ENPP6: variants seen among roughly 807,000 people sequenced by gnomAD.
The protein encoded by ENPP6 is glycerophosphocholine cholinephosphodiesterase ENPP6.
ENPP6 carries 32 observed loss-of-function variants against 42.0 expected under a neutral mutation model. The observed-to-expected ratio is 0.76, with a 90% CI of 0.58 to 1.02. ENPP6 has a LOEUF of 1.02. Ranked by LOEUF, ENPP6 falls within the 50% of genes least tolerant of loss-of-function variation. ENPP6 has a pLI of 0.00. For missense variants in ENPP6, 552 were observed against 566.8 expected (o/e 0.97, Z 0.27); for synonymous variants, 213 against 216.0 (o/e 0.99, Z 0.12).
intron 1 of ENPP6, among the ~76,000 whole-genome samples, chr4:184,168,819 C>T (rs1362141825): frequency 6.6e-6 from 1 of 152,172 alleles, no homozygotes; most frequent in East Asian, 1.9e-4. Flanking sequence ...CCACGCGCTG[C>T]AGCAAACGCG....
At chr4:184,116,323 C>T (rs1736313835) in intron 5 of ENPP6, among the ~76,000 whole-genome samples, 3 of 152,216 alleles carry the variant, frequency 2.0e-5, no homozygotes, top group Non-Finnish European at 2.9e-5. Context: ...TCATCATGCC[C>T]ATTTCAGAGA....
At chr4:184,099,653 G>A (rs1024975100) in intron 6 of ENPP6, among the ~76,000 whole-genome samples, 4 of 152,160 alleles carry the variant, frequency 2.6e-5, no homozygotes, top group South Asian at 2.1e-4. Context: ...TCGCCCCCTC[G>A]CATTGCAGCT....
intron 1 of ENPP6, among the ~76,000 whole-genome samples, chr4:184,213,740 G>A (rs1263007348): frequency 6.7e-6 from 1 of 148,280 alleles, no homozygotes; most frequent in Admixed American, 6.8e-5. Flanking sequence ...CCATTACTGG[G>A]TATATATCCA....
At chr4:184,119,513 T>C (rs908718748) in intron 3 of ENPP6, among the ~76,000 whole-genome samples, 5 of 152,184 alleles carry the variant, frequency 3.3e-5, no homozygotes, top group African/African-American at 1.2e-4. Flanking sequence ...ACAGGGTCAT[T>C]GGAACTAGAC....
rs759750133 is a variant in ENPP6 at position 184,217,654 on chromosome 4, T to G, written c.166A>C (p.Arg56=). 1 of 1,614,228 alleles carries G rather than the reference T, an allele frequency of 6.2e-7. No individual in the cohort carries two copies. Among genetic ancestry groups the G allele is most frequent in the Non-Finnish European group, 8.5e-7 (1 of 1,180,034 alleles). ...GTCAAGTAATCCACTTTTACTCCCC[T>G]GCTCACAATCTCTTTGAAACCAGGC... ...SLPGFKEIVS[R]GVKVDYLTPD... The change falls in exon 1 of 8, where the codon AGG becomes CGG. Residue 56 remains arginine (R), a synonymous_variant. Coordinates refer to ENST00000296741, the MANE Select transcript of ENPP6 (RefSeq NM_153343.4).
intron 7 of ENPP6, among the ~76,000 whole-genome samples, chr4:184,091,906 A>C (rs1735810805): frequency 6.6e-6 from 1 of 152,146 alleles, no homozygotes; most frequent in Non-Finnish European, 1.5e-5. Context: ...AAAAAAAGGT[A>C]ATCAGCAAAC....
At chr4:184,196,024 G>C (rs528200683) in intron 1 of ENPP6, among the ~76,000 whole-genome samples, 1 of 152,302 alleles carries the variant, frequency 6.6e-6, no homozygotes, top group African/African-American at 2.4e-5. Flanking sequence ...ACTTAGACTT[G>C]AGTGGCCTCC....
intron 1 of ENPP6, among the ~76,000 whole-genome samples, chr4:184,156,950 T>C (rs528338464): frequency 6.6e-6 from 1 of 152,242 alleles, no homozygotes; most frequent in Non-Finnish European, 1.5e-5. Flanking sequence ...ATGTCCATCT[T>C]ACCTATAACT....
At chr4:184,182,087 GA>G (rs1214990876) in intron 1 of ENPP6, among the ~76,000 whole-genome samples, 1 of 151,292 alleles carries the variant, frequency 6.6e-6, no homozygotes, top group African/African-American at 2.4e-5. Flanking sequence ...TACAGAACAA[GA>G]GAAAATTTTT....
intron 1 of ENPP6, among the ~76,000 whole-genome samples, chr4:184,157,450 TTC>T (rs1294937604): frequency 3.7e-4 from 56 of 151,940 alleles, no homozygotes; most frequent in East Asian, 7.7e-4. Flanking sequence ...TTTCTTTTCT[TTC>T]TCTCTCTTTC....
intron 1 of ENPP6, among the ~76,000 whole-genome samples, chr4:184,176,772 A>C (rs972971863): frequency 6.6e-6 from 1 of 152,240 alleles, no homozygotes. Flanking sequence ...TCAAAGCATA[A>C]GAGAGAACTA....
chr4:184,216,928 G>A (rs1176920502), intron 1 of ENPP6: 1 of 152,142 alleles, frequency 6.6e-6, no homozygotes, highest in African/African-American at 2.4e-5. Flanking sequence ...TTTGCTGGTT[G>A]GTCTTTTGTA....
At chr4:184,171,051 A>G (rs1737453008) in intron 1 of ENPP6, among the ~76,000 whole-genome samples, 2 of 152,190 alleles carry the variant, frequency 1.3e-5, no homozygotes, top group Admixed American at 6.5e-5. Context: ...ACAACCTCAA[A>G]CCTCAAGTGG....
At chr4:184,181,402 G>A (rs1267470924) in intron 1 of ENPP6, among the ~76,000 whole-genome samples, 1 of 152,142 alleles carries the variant, frequency 6.6e-6, no homozygotes, top group Non-Finnish European at 1.5e-5. Context: ...TCATGGATAG[G>A]AAGAACCAAT....
At chr4:184,202,756 G>T (rs998812675) in intron 1 of ENPP6, among the ~76,000 whole-genome samples, 1 of 152,206 alleles carries the variant, frequency 6.6e-6, no homozygotes, top group Non-Finnish European at 1.5e-5. Context: ...CATGAGTGAG[G>T]AATAAACCTG....
chr4:184,191,559 T>G (rs1412175138), intron 1 of ENPP6, among the ~76,000 whole-genome samples: 1 of 152,162 alleles, frequency 6.6e-6, no homozygotes, highest in Non-Finnish European at 1.5e-5. Context: ...GCAGAAGCCC[T>G]CTGTTCTGGT....
rs182040164 is a variant in ENPP6 at position 184,089,060 on chromosome 4, C to T, written c.*2117G>A. 5.9e-5 allele frequency: 9 copies of T among 152,106 alleles called. No individual in the cohort carries two copies. The highest frequency in any genetic ancestry group is 1.9e-4 in the African/African-American group (8 of 41,424). The allele number at this position is 152,106 out of a possible 1,614,324, so 9.4% of individuals were successfully genotyped here. ...GGCTCTACTGAATTCATTGGAACAC[C>T]GTCCTTTAAGGAGAAAGAAACTTTG... On this transcript the variant is annotated 3_prime_UTR_variant, in exon 8 of 8. Coordinates refer to ENST00000296741, the MANE Select transcript of ENPP6 (RefSeq NM_153343.4).
chr4:184,189,149 T>C (rs1298882159), intron 1 of ENPP6, among the ~76,000 whole-genome samples: 5 of 152,102 alleles, frequency 3.3e-5, no homozygotes, highest in Non-Finnish European at 7.4e-5. Flanking sequence ...TAGTTCCTCA[T>C]GTATATGCCA....
Position 184,161,493 on chromosome 4 carries a change from T to C in ENPP6, c.242-7760A>G, listed in dbSNP as rs527683232. Among the ~76,000 whole-genome samples, 154 of 152,184 alleles carry C rather than the reference T, an allele frequency of 1.0e-3. 2 individuals are homozygous for C. Among genetic ancestry groups the C allele is most frequent in the African/African-American group, 3.3e-3 (139 of 41,520 alleles). ...GTGGAGGTTCCTTAAGAACTAAAAG[T>C]AGAACTACCATTCAATCCAGCCATC... On this transcript the variant is annotated intron_variant, in intron 1 of 7. Coordinates refer to ENST00000296741, the MANE Select transcript of ENPP6 (RefSeq NM_153343.4).
Sources: allele counts gnomAD v4.1 joint callset (sites outside exome capture counted in the v4.1 genomes callset), GRCh38; gene constraint gnomAD v4.1.1; transcripts MANE v1.5; gene names NCBI Gene and HGNC (gene_info 2026-07-23, HGNC 2026-07-21).